Variants in NLGN1 observed in about 807,000 individuals in gnomAD.
NLGN1 encodes the protein neuroligin-1.
In NLGN1, 12 loss-of-function variants were observed where a neutral mutation model predicts 65.5. The ratio of observed to expected loss-of-function variants is 0.18; its 90% CI spans 0.12 to 0.30. The LOEUF is 0.30. Among genes scored for constraint, NLGN1 ranks in the 10% least tolerant of loss-of-function variants. The pLI, the probability that NLGN1 is intolerant of heterozygous loss-of-function variation, is 1.00. For missense variants in NLGN1, 750 were observed against 1,007.1 expected (o/e 0.74, Z 3.46); for synonymous variants, 350 against 359.5 (o/e 0.97, Z 0.30).
intron 4 of NLGN1, among the ~76,000 whole-genome samples, chr3:173,934,872 C>CATAATATATT (rs1305423126): frequency 1.1e-4 from 16 of 151,972 alleles, no homozygotes; most frequent in Non-Finnish European, 1.5e-5. Context: ...TCTTTAAAGA[C>CATAATATATT]ATAATATATT....
intron 4 of NLGN1, among the ~76,000 whole-genome samples, chr3:173,997,103 G>A (rs931231800): frequency 1.3e-5 from 2 of 152,000 alleles, no homozygotes; most frequent in African/African-American, 4.8e-5. Flanking sequence ...TTATTATACT[G>A]TGAAACATGT....
At chr3:173,556,021 G>A (rs1307255201) in intron 2 of NLGN1, among the ~76,000 whole-genome samples, 4 of 151,984 alleles carry the variant, frequency 2.6e-5, no homozygotes, top group African/African-American at 4.8e-5. Flanking sequence ...TTTCTCCATC[G>A]CTTTTGATAA....
At chr3:173,983,185 G>A (rs1404832905) in intron 4 of NLGN1, among the ~76,000 whole-genome samples, 8 of 152,040 alleles carry the variant, frequency 5.3e-5, no homozygotes, top group African/African-American at 1.9e-4. Context: ...TATTTGAAGG[G>A]CAGCACATTA....
chr3:173,985,525 A>G (rs1285616989), intron 4 of NLGN1, among the ~76,000 whole-genome samples: 1 of 152,238 alleles, frequency 6.6e-6, no homozygotes, highest in Admixed American at 6.5e-5. Flanking sequence ...AAACAATACA[A>G]GGAATTTTAA....
intron 4 of NLGN1, among the ~76,000 whole-genome samples, chr3:173,904,875 G>A (rs1006572881): frequency 3.9e-5 from 6 of 152,158 alleles, no homozygotes; most frequent in South Asian, 2.1e-4. Flanking sequence ...AATAGCACAC[G>A]CTGATTATAC....
At chr3:174,218,631 G>A (rs1197122571) in intron 4 of NLGN1, among the ~76,000 whole-genome samples, 3 of 151,974 alleles carry the variant, frequency 2.0e-5, no homozygotes, top group African/African-American at 7.2e-5. Context: ...CTTAGATGAG[G>A]GCTAAAGTGA....
chr3:173,932,825 G>A (rs1744348901), intron 4 of NLGN1, among the ~76,000 whole-genome samples: 1 of 152,148 alleles, frequency 6.6e-6, no homozygotes, highest in Non-Finnish European at 1.5e-5. Flanking sequence ...CATATATGAA[G>A]AGTCAGTTAG....
chr3:173,680,886 A>C (rs1392148352), intron 3 of NLGN1, among the ~76,000 whole-genome samples: 2 of 152,156 alleles, frequency 1.3e-5, no homozygotes. Context: ...AAGCAATGTG[A>C]TGCCTTGCAA....
At chr3:173,701,236 A>C (rs1429850993) in intron 3 of NLGN1, among the ~76,000 whole-genome samples, 1 of 152,218 alleles carries the variant, frequency 6.6e-6, no homozygotes, top group Non-Finnish European at 1.5e-5. Context: ...TATTCTGTGA[A>C]CATATTAGCC....
chr3:173,452,998 T>A (rs1206303841), intron 2 of NLGN1, among the ~76,000 whole-genome samples: 1 of 152,206 alleles, frequency 6.6e-6, no homozygotes, highest in African/African-American at 2.4e-5. Flanking sequence ...TGAGTCTTAA[T>A]CTTTTTGCTG....
intron 3 of NLGN1, among the ~76,000 whole-genome samples, chr3:173,691,628 A>G (rs1259508933): frequency 1.3e-5 from 2 of 152,046 alleles, no homozygotes; most frequent in Non-Finnish European, 2.9e-5. Flanking sequence ...GTTAGGAGAG[A>G]CCTTAGAGGT....
At chr3:173,406,769 T>C (rs1718782450) in intron 1 of NLGN1, among the ~76,000 whole-genome samples, 1 of 151,898 alleles carries the variant, frequency 6.6e-6, no homozygotes, top group African/African-American at 2.4e-5. Context: ...GCACTTACTT[T>C]TTGATGAATA....
chr3:173,977,884 G>A (rs949571794), intron 4 of NLGN1, among the ~76,000 whole-genome samples: 19 of 151,958 alleles, frequency 1.3e-4, no homozygotes, highest in Non-Finnish European at 2.2e-4. Flanking sequence ...AGATCACTTC[G>A]GGAGAAAACA....
intron 4 of NLGN1, among the ~76,000 whole-genome samples, chr3:173,970,475 G>T (rs1436695989): frequency 6.6e-6 from 1 of 152,014 alleles, no homozygotes. Context: ...GATGTTTTAT[G>T]GGTAGGTAGG....
chr3:173,883,286 A>C (rs1032985099), intron 4 of NLGN1, among the ~76,000 whole-genome samples: 4 of 152,328 alleles, frequency 2.6e-5, no homozygotes, highest in African/African-American at 9.6e-5. Context: ...TCTCAAAAGG[A>C]GGCGAGAGAT....
chr3:174,080,918 T>G (rs1580188038), intron 4 of NLGN1, among the ~76,000 whole-genome samples: 1 of 146,548 alleles, frequency 6.8e-6, no homozygotes, highest in Non-Finnish European at 1.5e-5. Context: ...CGCCTGACAT[T>G]CCTGGTGTGT....
At chr3:173,508,260 G>T (rs1205633542) in intron 2 of NLGN1, among the ~76,000 whole-genome samples, 1 of 152,086 alleles carries the variant, frequency 6.6e-6, no homozygotes, top group African/African-American at 2.4e-5. Context: ...TACAGCCAGG[G>T]TTACAAAGGT....
At chr3:173,984,122 C>T (rs1396569908) in intron 4 of NLGN1, among the ~76,000 whole-genome samples, 9 of 152,244 alleles carry the variant, frequency 5.9e-5, no homozygotes, top group Admixed American at 2.6e-4. Context: ...GGCTCTTCTC[C>T]GAGGCAAATC....
intron 4 of NLGN1, among the ~76,000 whole-genome samples, chr3:173,830,596 A>G (rs965281053): frequency 3.9e-5 from 6 of 152,206 alleles, no homozygotes; most frequent in African/African-American, 7.2e-5. Context: ...TATTGAGGAA[A>G]TCCAATCCAT....
Sources: allele counts gnomAD v4.1 joint callset (sites outside exome capture counted in the v4.1 genomes callset), GRCh38; gene constraint gnomAD v4.1.1; transcripts MANE v1.5; gene names NCBI Gene and HGNC (gene_info 2026-07-23, HGNC 2026-07-21).